The following SAMD12 variants were observed in gnomAD, a reference collection of about 807,000 sequenced individuals.
SAMD12 encodes the protein sterile alpha motif domain containing 12.
Under a neutral mutation model 15.0 loss-of-function variants are expected in SAMD12, and 9 were observed. That is an observed-to-expected ratio of 0.60 (90% CI 0.36 to 1.05). The LOEUF (loss-of-function observed/expected upper bound fraction) is 1.05, where lower values mean the gene tolerates loss of function less well. Among genes scored for constraint, SAMD12 ranks in the 50% least tolerant of loss-of-function variants. The pLI is 0.01. For missense variants in SAMD12, 230 were observed against 234.2 expected, an observed-to-expected ratio of 0.98 and a Z score of 0.12; for synonymous variants, 86 against 90.1, an observed-to-expected ratio of 0.96 and a Z score of 0.25.
chr8:118,318,189 C>T (rs1816015437), intron 4 of SAMD12, among the ~76,000 whole-genome samples: 1 of 151,492 alleles, frequency 6.6e-6, no homozygotes, highest in East Asian at 1.9e-4. Context: ...CCTGCAATCC[C>T]ACTAGTGGGT....
the SAMD12 span, among the ~76,000 whole-genome samples, chr8:118,172,778 C>G: frequency 6.6e-6 from 1 of 152,090 alleles, no homozygotes; most frequent in Non-Finnish European, 1.5e-5. Flanking sequence ...CCTGAGAGCT[C>G]CTTTTTGACA....
chr8:118,200,817 C>T lies in SAMD12; in HGVS notation c.434-3085G>A, dbSNP rs1223195465. On this transcript the variant is annotated intron_variant, in intron 4 of 4. Coordinates refer to the SAMD12 transcript ENST00000409003. ...TAGGCCTTGAACCTTAGTCTTTCTTCTTCCTATTATTATTTTTTGGAGACA... is the reference window on the plus strand; with the variant it reads ...TAGGCCTTGAACCTTAGTCTTTCTTTTTCCTATTATTATTTTTTGGAGACA... Among the ~76,000 whole-genome samples the T allele has an allele frequency of 5.3e-5, 8 of 152,138 alleles. No individual in the cohort carries two copies. The East Asian group carries it at 1.5e-3, about 29-fold the overall frequency.
intron 3 of SAMD12, among the ~76,000 whole-genome samples, chr8:118,399,736 C>T (rs1330152028): frequency 6.6e-6 from 1 of 152,128 alleles, no homozygotes; most frequent in Non-Finnish European, 1.5e-5. Flanking sequence ...AAGTAGATTT[C>T]CTTCTCTGAG....
intron 2 of SAMD12, among the ~76,000 whole-genome samples, chr8:118,452,624 T>C (rs375746705): frequency 2.0e-5 from 3 of 152,216 alleles, no homozygotes; most frequent in East Asian, 3.8e-4. Flanking sequence ...ATTTAAGCAA[T>C]TTTTACACCT....
At position 118,257,802 on chromosome 8, in the gene SAMD12, C is replaced by G. The variant is rs183179205; in HGVS notation, c.434-60070G>C. 2.1e-3 allele frequency among the ~76,000 whole-genome samples: 319 copies of G among 152,150 alleles called. 3 individuals are homozygous for G. The highest frequency in any genetic ancestry group is 0.019 in the Admixed American group (295 of 15,278). ...AGGGACTGTCAAGACCAGTCATGAC[C>G]TTGAAAAAATGCAGCAAATCAAATG... is the stretch of plus-strand genomic sequence containing the variant. On this transcript the variant is annotated intron_variant, in intron 4 of 4. Transcript: ENST00000409003.
At chr8:118,181,796 C>T in the SAMD12 span, among the ~76,000 whole-genome samples, 1 of 152,174 alleles carries the variant, frequency 6.6e-6, no homozygotes, top group Non-Finnish European at 1.5e-5. Context: ...CTGACCAATG[C>T]CCCTGCCTGG....
chr8:118,475,322 A>G (rs1421037012), intron 2 of SAMD12, among the ~76,000 whole-genome samples: 9 of 152,160 alleles, frequency 5.9e-5, no homozygotes, highest in Non-Finnish European at 1.2e-4. Context: ...ATCTCTGCAC[A>G]CACTGCCTCT....
intron 4 of SAMD12, among the ~76,000 whole-genome samples, chr8:118,260,629 C>A (rs914036099): frequency 1.2e-4 from 18 of 152,072 alleles, no homozygotes; most frequent in Admixed American, 1.0e-3. Flanking sequence ...CCTTCTACCT[C>A]CCAGTGGGGA....
chr8:118,445,408 G>A (rs1822884806), intron 2 of SAMD12, among the ~76,000 whole-genome samples: 1 of 152,078 alleles, frequency 6.6e-6, no homozygotes, highest in Non-Finnish European at 1.5e-5. Context: ...TTCCCGAATG[G>A]TCTATAAAAT....
At chr8:118,174,288 C>T in the SAMD12 span, among the ~76,000 whole-genome samples, 2 of 152,140 alleles carry the variant, frequency 1.3e-5, no homozygotes, top group East Asian at 3.9e-4. Flanking sequence ...ACTGAAGGCT[C>T]CCTGTTTTTG....
chr8:118,501,363 T>C (rs1824776840), intron 2 of SAMD12, among the ~76,000 whole-genome samples: 1 of 152,224 alleles, frequency 6.6e-6, no homozygotes, highest in South Asian at 2.1e-4. Flanking sequence ...GTAATACATA[T>C]GTTAATTAGC....
chr8:118,515,564 C>A (rs1209061603), intron 2 of SAMD12, among the ~76,000 whole-genome samples: 3 of 152,192 alleles, frequency 2.0e-5, no homozygotes, highest in East Asian at 1.9e-4. Context: ...AGTACAGGGA[C>A]AACTCATAAG....
rs191020904 is a variant in SAMD12 at position 118,465,469 on chromosome 8, G to T, written c.193-25508C>A. 2.2e-3 allele frequency among the ~76,000 whole-genome samples: 328 copies of T among 152,184 alleles called. 4 individuals carry two copies. The highest frequency in any genetic ancestry group is 7.6e-3 in the African/African-American group (314 of 41,518). On this transcript the variant is annotated intron_variant, in intron 2 of 3. Coordinates refer to ENST00000314727, the MANE Select transcript of SAMD12 (RefSeq NM_207506.3). The stretch of plus-strand genomic sequence containing the variant: ...GTTCTCATTTTAAATCAATAAAAGG[G>T]ACTTCTCATTTGTCAGTTGTCTTCT...
At chr8:118,356,641 C>G (rs1818240806) in intron 4 of SAMD12, among the ~76,000 whole-genome samples, 1 of 152,146 alleles carries the variant, frequency 6.6e-6, no homozygotes, top group East Asian at 1.9e-4. Context: ...CACAGATATT[C>G]TAATGATTGC....
At chr8:118,276,423 T>C (rs187786935) in intron 4 of SAMD12, among the ~76,000 whole-genome samples, 9 of 152,304 alleles carry the variant, frequency 5.9e-5, no homozygotes, top group South Asian at 2.1e-4. Flanking sequence ...GATATTATTA[T>C]ATTAAGGAAG....
intron 4 of SAMD12, among the ~76,000 whole-genome samples, chr8:118,263,930 G>A (rs1813140945): frequency 6.6e-6 from 1 of 152,058 alleles, no homozygotes; most frequent in Admixed American, 6.6e-5. Context: ...CCTCTCCTTA[G>A]CCATGAGATG....
At chr8:118,539,583 C>T (rs1420676377) in intron 2 of SAMD12, among the ~76,000 whole-genome samples, 1 of 152,100 alleles carries the variant, frequency 6.6e-6, no homozygotes, top group East Asian at 1.9e-4. Flanking sequence ...GAATGCTGCC[C>T]ATACCCCCAC....
intron 1 of SAMD12, among the ~76,000 whole-genome samples, chr8:118,582,395 TA>T (rs1462653907): frequency 2.6e-5 from 4 of 152,222 alleles, no homozygotes; most frequent in Non-Finnish European, 4.4e-5. Flanking sequence ...CCAACAGCTC[TA>T]CACCTAACAT....
In SAMD12 at chr8:118,299,649, A is replaced by G. The variant is rs907063569; in HGVS notation, c.433+79911T>C. 5.3e-5 allele frequency among the ~76,000 whole-genome samples: 8 copies of G among 152,314 alleles called. 1 individual carries two copies. Among genetic ancestry groups the G allele is most frequent in the African/African-American group, 1.9e-4 (8 of 41,558 alleles). On this transcript the variant is annotated intron_variant, in intron 4 of 4. Coordinates refer to the SAMD12 transcript ENST00000409003. ...TCCAACATGGAGAAAAGATGTGAGT[A>G]GAACCAGTTTGAGAAAATAATATAG...
Sources: gnomAD v4.1 joint callset for allele counts (sites outside exome capture counted in the v4.1 genomes callset) on GRCh38, gnomAD v4.1.1 for gene constraint, MANE v1.5 for transcripts, NCBI Gene and HGNC (gene_info 2026-07-23, HGNC 2026-07-21) for gene names.